ROBO1: variants seen among roughly 807,000 people sequenced by gnomAD.
ROBO1 encodes roundabout homolog 1.
In ROBO1, 149 loss-of-function variants were observed where a neutral mutation model predicts 195.9. The ratio of observed to expected loss-of-function variants is 0.76; its 90% confidence interval spans 0.67 to 0.87. The LOEUF (loss-of-function observed/expected upper bound fraction) is 0.87, where lower values mean the gene tolerates loss of function less well. Ranked by LOEUF, ROBO1 falls within the 40% of genes least tolerant of loss-of-function variation. The pLI is 0.00. For missense variants in ROBO1, 1,933 were observed against 2,068.3 expected (o/e 0.93, Z 1.27); for synonymous variants, 816 against 733.2 (o/e 1.11, Z -1.82).
chr3:78,868,508 C>A (rs2035323945), intron 4 of ROBO1, among the ~76,000 whole-genome samples: 1 of 152,058 alleles, frequency 6.6e-6, no homozygotes. Flanking sequence ...TTTTAATATA[C>A]ACAGAAGAAT....
rs559809379 is a variant in ROBO1, at chr3:78,633,881, T to A, written c.3481+54A>T. ...CAGTCCATTAGCACTCAATTTGTAA[T>A]CTTGGAAAGTACCAGCTTTTTAAAG... On this transcript the variant is annotated intron_variant, in intron 24 of 30. Coordinates refer to ENST00000464233, the MANE Select transcript of ROBO1 (RefSeq NM_002941.4). 4.1e-6 allele frequency: 5 copies of A among 1,206,144 alleles called. No individual in the cohort carries two copies. The African/African-American group carries it at 7.6e-5, about 18-fold the overall frequency. 74.7% of individuals were successfully genotyped at this position (1,206,144 alleles called of 1,614,324 possible). A position where few individuals can be genotyped will look rare whatever the true frequency, so the allele number is the denominator to read the frequency against.
rs372560583 is a variant in ROBO1, at chr3:79,725,365, T to C, written c.-51+42387A>G. On this transcript the variant is annotated intron_variant, in intron 1 of 30. Coordinates refer to ENST00000464233, the MANE Select transcript of ROBO1 (RefSeq NM_002941.4). Reference sequence around the variant, plus strand: ...CCTCAGCCTCCCGAGTAGCTGGGACTACAGGCGCCCGCCACCACGCCCGGC... The same window carrying C: ...CCTCAGCCTCCCGAGTAGCTGGGACCACAGGCGCCCGCCACCACGCCCGGC... Among the ~76,000 whole-genome samples the C allele has an allele frequency of 3.8e-3, 569 of 151,532 alleles. 5 individuals are homozygous for C. The highest frequency in any genetic ancestry group is 0.031 in the Middle Eastern group (9 of 292).
intron 4 of ROBO1, among the ~76,000 whole-genome samples, chr3:78,751,302 T>C (rs960016207): frequency 7.2e-5 from 11 of 151,820 alleles, no homozygotes; most frequent in Non-Finnish European, 1.6e-4. Context: ...ATAGTAATAA[T>C]AATAATAATA....
chr3:79,732,003 A>T (rs1703168525), intron 1 of ROBO1, among the ~76,000 whole-genome samples: 1 of 152,184 alleles, frequency 6.6e-6, no homozygotes, highest in Admixed American at 6.5e-5. Context: ...TGTGAACAAC[A>T]TTGCATGAAT....
At chr3:79,379,140 CTT>C (rs2036485793) in intron 2 of ROBO1, among the ~76,000 whole-genome samples, 1 of 152,132 alleles carries the variant, frequency 6.6e-6, no homozygotes, top group Non-Finnish European at 1.5e-5. Context: ...TAAGTCAACT[CTT>C]TACAGATAAG....
chr3:78,807,665 A>T (rs1002481256), intron 4 of ROBO1, among the ~76,000 whole-genome samples: 3 of 152,236 alleles, frequency 2.0e-5, no homozygotes, highest in African/African-American at 7.2e-5. Flanking sequence ...GCAATAGTGA[A>T]GAGTGTTGTA....
intron 2 of ROBO1, among the ~76,000 whole-genome samples, chr3:79,448,209 T>C (rs941920837): frequency 6.6e-6 from 1 of 152,196 alleles, no homozygotes; most frequent in Non-Finnish European, 1.5e-5. Context: ...GCATTTCATA[T>C]TAGGCAATGA....
At chr3:79,035,841 G>A (rs914949588) in intron 3 of ROBO1, among the ~76,000 whole-genome samples, 3 of 151,762 alleles carry the variant, frequency 2.0e-5, no homozygotes, top group South Asian at 2.1e-4. Context: ...TAAACAACTC[G>A]AAAACTTGTT....
At chr3:79,104,170 A>G (rs536998120) in intron 3 of ROBO1, among the ~76,000 whole-genome samples, 8 of 151,776 alleles carry the variant, frequency 5.3e-5, no homozygotes, top group Non-Finnish European at 1.0e-4. Context: ...AAATAAGAGT[A>G]AACATAGTGC....
chr3:79,406,397 C>T (rs971362639), intron 2 of ROBO1, among the ~76,000 whole-genome samples: 2 of 150,790 alleles, frequency 1.3e-5, no homozygotes, highest in Non-Finnish European at 3.0e-5. Flanking sequence ...CGCCACTGCA[C>T]CCCAGACTGG....
In ROBO1 at chr3:78,668,140, G is replaced by A; in HGVS notation, c.1793C>T (p.Ala598Val). The part of the protein sequence containing the change: ...GATPTSYIIE[A>V]FSHASGSSWQ... ...AGCATCTCCTTCACTCTACCTGAAGGCTTCTATAATATAAGATGTTGGAGT... is the reference window on the plus strand; with the variant it reads ...AGCATCTCCTTCACTCTACCTGAAGACTTCTATAATATAAGATGTTGGAGT... Residue 598 changes from alanine to valine, a missense_variant, in exon 13 of 31, where the codon GCC becomes GTC. Coordinates refer to ENST00000464233, the MANE Select transcript of ROBO1 (RefSeq NM_002941.4). The A allele has an allele frequency of 1.2e-6, 2 of 1,613,406 alleles. No individual in the cohort carries two copies. Among genetic ancestry groups the A allele is most frequent in the Non-Finnish European group, 8.5e-7 (1 of 1,179,648 alleles).
intron 1 of ROBO1, among the ~76,000 whole-genome samples, chr3:79,687,671 T>C (rs972813572): frequency 1.2e-4 from 19 of 152,126 alleles, no homozygotes; most frequent in African/African-American, 3.9e-4. Flanking sequence ...CACAATGAGA[T>C]ACCATCTCAC....
At chr3:79,273,484 G>T (rs1165153156) in intron 2 of ROBO1, among the ~76,000 whole-genome samples, 1 of 151,838 alleles carries the variant, frequency 6.6e-6, no homozygotes, top group Non-Finnish European at 1.5e-5. Context: ...CAAGCCTCAT[G>T]GTAACCTCAA....
At chr3:79,474,758 T>A (rs1437980600) in intron 2 of ROBO1, among the ~76,000 whole-genome samples, 1 of 152,108 alleles carries the variant, frequency 6.6e-6, no homozygotes, top group African/African-American at 2.4e-5. Flanking sequence ...ATATAATACA[T>A]TTAAAGACTC....
intron 2 of ROBO1, among the ~76,000 whole-genome samples, chr3:79,376,839 A>G (rs1037512209): frequency 4.6e-5 from 7 of 152,176 alleles, no homozygotes; most frequent in Admixed American, 3.9e-4. Flanking sequence ...ATCTTTGAGG[A>G]GAGCATTTGA....
chr3:79,757,671 C>T (rs954769865), intron 1 of ROBO1, among the ~76,000 whole-genome samples: 3 of 151,830 alleles, frequency 2.0e-5, no homozygotes, highest in Non-Finnish European at 4.4e-5. Context: ...AGAATGAAAC[C>T]CTATCTCTAA....
At chr3:79,107,856 G>A (rs1191634032) in intron 3 of ROBO1, among the ~76,000 whole-genome samples, 4 of 151,620 alleles carry the variant, frequency 2.6e-5, no homozygotes, top group South Asian at 4.1e-4. Context: ...AAAGAGTTAA[G>A]ATAATATTAA....
chr3:79,460,363 C>G (rs1937591032), intron 2 of ROBO1, among the ~76,000 whole-genome samples: 1 of 152,188 alleles, frequency 6.6e-6, no homozygotes, highest in African/African-American at 2.4e-5. Context: ...ATCTAACACA[C>G]TTTCTCCAAA....
intron 4 of ROBO1, among the ~76,000 whole-genome samples, chr3:78,920,691 A>G (rs2038897496): frequency 7.2e-6 from 1 of 137,976 alleles, no homozygotes; most frequent in African/African-American, 2.8e-5. Flanking sequence ...CTGGAGTGCA[A>G]TGACACAAAC....
Sources: allele counts gnomAD v4.1 joint callset (sites outside exome capture counted in the v4.1 genomes callset), GRCh38; gene constraint gnomAD v4.1.1; transcripts MANE v1.5; gene names NCBI Gene and HGNC (gene_info 2026-07-23, HGNC 2026-07-21).